Variants in ADAMTS9 observed in about 807,000 individuals in gnomAD.
ADAMTS9 encodes A disintegrin and metalloproteinase with thrombospondin motifs 9.
Under a neutral mutation model 257.1 loss-of-function variants are expected in ADAMTS9, and 107 were observed. That is an observed-to-expected ratio of 0.42 (90% CI 0.36 to 0.49). The LOEUF is 0.49. ADAMTS9 is among the 20% of genes least tolerant of loss of function. The pLI, the probability that ADAMTS9 is intolerant of heterozygous loss-of-function variation, is 0.03. For missense variants in ADAMTS9, 2,353 were observed against 2,469.1 expected (o/e 0.95, Z 1.00); for synonymous variants, 982 against 880.9 (o/e 1.11, Z -2.03).
chr3:64,528,170 A>T (rs1432912556), intron 38 of ADAMTS9, among the ~76,000 whole-genome samples: 1 of 151,972 alleles, frequency 6.6e-6, no homozygotes, highest in Non-Finnish European at 1.5e-5. Context: ...CGCCTCTCAC[A>T]CCCAGCCAGG....
chr3:64,642,030 C>A (rs188343159), intron 11 of ADAMTS9, 37 bp from the exon 12 acceptor site: 2 of 1,610,522 alleles, frequency 1.2e-6, no homozygotes, highest in Admixed American at 3.3e-5. Flanking sequence ...GGAGACTTGG[C>A]GCTGTGAGTT....
At chr3:64,636,683 AAAG>A (rs1700504047) in intron 12 of ADAMTS9, among the ~76,000 whole-genome samples, 2 of 152,238 alleles carry the variant, frequency 1.3e-5, no homozygotes, top group Non-Finnish European at 2.9e-5. Flanking sequence ...AAATTTTTAC[AAAG>A]AAGAAGATTT....
intron 14 of ADAMTS9, among the ~76,000 whole-genome samples, chr3:64,632,656 G>A (rs1437247906): frequency 3.3e-5 from 5 of 152,106 alleles, no homozygotes; most frequent in Admixed American, 1.3e-4. Flanking sequence ...ATTCTTGTCC[G>A]TTTTGTTCAT....
chr3:64,618,257 C>T (rs1181751101), intron 19 of ADAMTS9, among the ~76,000 whole-genome samples: 12 of 152,144 alleles, frequency 7.9e-5, no homozygotes, highest in Admixed American at 7.9e-4. Context: ...GACATAATCC[C>T]TTTACCTTTT....
At chr3:64,666,775 G>A (rs1361470078) in intron 3 of ADAMTS9, among the ~76,000 whole-genome samples, 1 of 152,322 alleles carries the variant, frequency 6.6e-6, no homozygotes, top group East Asian at 1.9e-4. Context: ...TAGTGGTATT[G>A]TTTTACTTGT....
chr3:64,551,502 C>T (rs766280038), intron 30 of ADAMTS9, among the ~76,000 whole-genome samples: 1 of 152,200 alleles, frequency 6.6e-6, no homozygotes, highest in African/African-American at 2.4e-5. Context: ...AGCCACCACT[C>T]CCGGCCGAGA....
chr3:64,577,730 A>G (rs375768947), intron 28 of ADAMTS9, among the ~76,000 whole-genome samples: 7 of 152,254 alleles, frequency 4.6e-5, no homozygotes, highest in African/African-American at 1.7e-4. Flanking sequence ...TGTCAAAAGC[A>G]GTCAGGGGAC....
chr3:64,648,065 G>A (rs1052234747), intron 10 of ADAMTS9, 21 bp from the exon 11 acceptor site: 7 of 1,582,830 alleles, frequency 4.4e-6, no homozygotes, highest in Non-Finnish European at 5.2e-6. Context: ...CAATGAAATG[G>A]CAATTGAGTG....
intron 28 of ADAMTS9, among the ~76,000 whole-genome samples, chr3:64,593,958 ATGATGTG>A (rs549744538): frequency 0.081 from 10,120 of 125,136 alleles, 371 homozygotes; most frequent in African/African-American, 0.1. Context: ...GTGTGTGTGT[ATGATGTG>A]TGTGTGTGTG....
At position 64,586,143 on chromosome 3, in the gene ADAMTS9, A is replaced by G. The variant is rs916085223; in HGVS notation, c.4356+8115T>C. Reference sequence around the variant, plus strand: ...CAGTGAGACCTAGAGACCACTACTGAGCAGTGAGATCAACTAAGCAACTTC... The same window carrying G: ...CAGTGAGACCTAGAGACCACTACTGGGCAGTGAGATCAACTAAGCAACTTC... On this transcript the variant is annotated intron_variant, in intron 28 of 39. Transcript: ENST00000498707. 1.2e-4 allele frequency among the ~76,000 whole-genome samples: 18 copies of G among 152,134 alleles called. 1 individual carries two copies. The highest frequency in any genetic ancestry group is 9.2e-4 in the Admixed American group (14 of 15,256).
At chr3:64,614,064 G>T (rs2084715932) in intron 21 of ADAMTS9, among the ~76,000 whole-genome samples, 2 of 151,962 alleles carry the variant, frequency 1.3e-5, no homozygotes, top group Non-Finnish European at 2.9e-5. Flanking sequence ...AAATTATAAT[G>T]ACCCAAAATC....
At chr3:64,668,070 C>T (rs4579012) in intron 3 of ADAMTS9, among the ~76,000 whole-genome samples, 87,799 of 151,914 alleles carry the variant, frequency 0.58, 25,648 homozygotes, top group Non-Finnish European at 0.63. Context: ...GTGACCTTTC[C>T]GCCTGTCAGG....
Position 64,686,426 on chromosome 3 carries a change from T to G in ADAMTS9, c.516+142A>C. On this transcript the variant is annotated intron_variant, in intron 2 of 39. Coordinates refer to ENST00000498707, the MANE Select transcript of ADAMTS9 (RefSeq NM_182920.2). This position sits in a 1 kb window ranked among gnomAD's most constrained non-coding sequence, Gnocchi z 4.6. ...CGCACAGAGCTAGCTACCCAAACCA[T>G]ACGAGTTTCTAGCTGATATTTAACG... The G allele has an allele frequency of 1.6e-6, 2 of 1,216,274 alleles. No homozygotes were observed. The highest frequency in any genetic ancestry group is 2.2e-6 in the Non-Finnish European group (2 of 894,466). 75.3% of individuals were successfully genotyped at this position (1,216,274 alleles called of 1,614,324 possible). A position where few individuals can be genotyped will look rare whatever the true frequency, so the allele number is the denominator to read the frequency against.
At chr3:64,646,635 T>A (rs1482442409) in intron 11 of ADAMTS9, among the ~76,000 whole-genome samples, 2 of 152,246 alleles carry the variant, frequency 1.3e-5, no homozygotes, top group Non-Finnish European at 2.9e-5. Context: ...CTGTTGCCAA[T>A]TTAAGTCAAA....
At chr3:64,563,135 T>C (rs918907695) in intron 29 of ADAMTS9, 2 of 152,178 alleles carry the variant, frequency 1.3e-5, no homozygotes, top group African/African-American at 2.4e-5. Flanking sequence ...CTGGGTGTAA[T>C]GGGAGGATTC....
chr3:64,552,836 C>T (rs1387420731), intron 30 of ADAMTS9, among the ~76,000 whole-genome samples: 2 of 152,150 alleles, frequency 1.3e-5, no homozygotes, highest in African/African-American at 2.4e-5. Flanking sequence ...GGATTACAGG[C>T]GTCAGCCATC....
rs1219009177 is a variant in ADAMTS9, at chr3:64,624,345, A to C, written c.2390-1759T>G. 4.6e-5 allele frequency among the ~76,000 whole-genome samples: 7 copies of C among 152,290 alleles called. No homozygotes were observed. In the East Asian group the frequency reaches 1.4e-3, roughly 29 times the overall value. ...AAGAAAACAAAAGGAAATGGTAACT[A>C]TATGGGTGATAGATACATTAATTAG... On this transcript the variant is annotated intron_variant, in intron 16 of 39. Coordinates refer to ENST00000498707, the MANE Select transcript of ADAMTS9 (RefSeq NM_182920.2).
At chr3:64,657,903 T>C (rs1047055083) in intron 4 of ADAMTS9, among the ~76,000 whole-genome samples, 1 of 152,186 alleles carries the variant, frequency 6.6e-6, no homozygotes, top group African/African-American at 2.4e-5. Context: ...ACTGTGGTTT[T>C]AATTCAAAAT....
intron 28 of ADAMTS9, among the ~76,000 whole-genome samples, chr3:64,578,857 T>C (rs762776979): frequency 1.3e-5 from 2 of 152,146 alleles, no homozygotes; most frequent in Non-Finnish European, 2.9e-5. Flanking sequence ...TTCCAAATCC[T>C]ACCACTCCTT....
Sources: gnomAD v4.1 joint callset for allele counts (sites outside exome capture counted in the v4.1 genomes callset) on GRCh38, gnomAD v4.1.1 for gene constraint, Gnocchi (gnomAD v3.1) non-coding constraint, MANE v1.5 for transcripts, NCBI Gene and HGNC (gene_info 2026-07-23, HGNC 2026-07-21) for gene names.